ATP11C: variants seen among roughly 807,000 people sequenced by gnomAD.
The protein encoded by ATP11C is phospholipid-transporting ATPase IG.
ATP11C carries 36 observed loss-of-function variants against 97.4 expected under a neutral mutation model. That is an observed-to-expected ratio of 0.37 (90% confidence interval 0.28 to 0.49). The LOEUF (loss-of-function observed/expected upper bound fraction) is 0.49, where lower values mean the gene tolerates loss of function less well. Among genes scored for constraint, ATP11C ranks in the 20% least tolerant of loss-of-function variants. ATP11C has a pLI of 0.98. For missense variants in ATP11C, 730 were observed against 824.6 expected (o/e 0.89, Z 1.40); for synonymous variants, 275 against 290.9 (o/e 0.95, Z 0.56).
chrX:139,737,993 T>A lies in ATP11C; in HGVS notation c.3211A>T (p.Ile1071Phe). 1 of 1,205,088 alleles carries A rather than the reference T, an allele frequency of 8.3e-7. No individual in the cohort carries two copies. Among genetic ancestry groups the A allele is most frequent in the Non-Finnish European group, 1.1e-6 (1 of 890,562 alleles). ...AACAGGCTGATAAATATTAGAAGAA[T>A]TATAGCCAACCATGTGGATACAGAA... Reference protein sequence around the residue: ...LSSVSTWLAIILLIFISLFPE... With the variant: ...LSSVSTWLAIFLLIFISLFPE... The change falls in exon 28 of 30, where the codon ATT becomes TTT. Residue 1071 changes from isoleucine to phenylalanine, a missense_variant. Physicochemically the swap from Ile to Phe is conservative, Grantham distance 21. Coordinates refer to ENST00000682941, the MANE Select transcript of ATP11C (RefSeq NM_001353812.2).
chrX:139,830,589 T>C (rs902322187), intron 1 of ATP11C, among the ~76,000 whole-genome samples: 2 of 111,729 alleles, frequency 1.8e-5, no homozygotes, highest in African/African-American at 6.5e-5. Context: ...GCAAATAATC[T>C]TAAAACCGAC....
intron 1 of ATP11C, among the ~76,000 whole-genome samples, chrX:139,881,398 T>C (rs1359598383): frequency 1.8e-5 from 2 of 110,756 alleles, no homozygotes; most frequent in African/African-American, 6.6e-5. Flanking sequence ...GTTGCTGATA[T>C]AGAGTGATTT....
intron 23 of ATP11C, among the ~76,000 whole-genome samples, chrX:139,756,171 C>T (rs1469554183): frequency 1.8e-5 from 2 of 111,712 alleles, no homozygotes; most frequent in African/African-American, 3.3e-5. Flanking sequence ...GCAAAGGACA[C>T]GAACAGACAC....
intron 1 of ATP11C, among the ~76,000 whole-genome samples, chrX:139,906,494 C>T (rs1466360931): frequency 9.2e-6 from 1 of 108,849 alleles, no homozygotes; most frequent in African/African-American, 3.3e-5. Context: ...ATTAATTTAA[C>T]ATTCATTGGC....
chrX:139,777,494 G>T (rs1413668415), intron 18 of ATP11C, among the ~76,000 whole-genome samples: 3 of 110,213 alleles, frequency 2.7e-5, no homozygotes, highest in Admixed American at 1.9e-4. Flanking sequence ...ATTTCAACAT[G>T]AGCAAAGTCT....
intron 5 of ATP11C, among the ~76,000 whole-genome samples, chrX:139,805,556 T>C (rs2083024157): frequency 8.9e-6 from 1 of 112,178 alleles, no homozygotes; most frequent in Admixed American, 9.5e-5. Flanking sequence ...TTTGGAAAGA[T>C]ATAAGAAATC....
chrX:139,862,117 A>AC (rs1432690083), intron 1 of ATP11C, among the ~76,000 whole-genome samples: 1 of 111,109 alleles, frequency 9.0e-6, no homozygotes. Flanking sequence ...TACATTAAAA[A>AC]CTCAAACAGA....
intron 23 of ATP11C, among the ~76,000 whole-genome samples, chrX:139,756,557 A>ATATG (rs2081939493): frequency 8.9e-6 from 1 of 111,933 alleles, no homozygotes; most frequent in Non-Finnish European, 1.9e-5. Flanking sequence ...AATATCAAAG[A>ATATG]TATGTAATCA....
chrX:139,738,178 C>T (rs1270324743), intron 27 of ATP11C, 109 bp from the exon 28 acceptor site: 1 of 542,931 alleles, frequency 1.8e-6, no homozygotes, highest in East Asian at 4.3e-5. Flanking sequence ...TCCTTACATA[C>T]ATTAATAAAA....
chrX:139,907,757 AG>A (rs1269697722), intron 1 of ATP11C, among the ~76,000 whole-genome samples: 2 of 109,615 alleles, frequency 1.8e-5, no homozygotes, highest in Non-Finnish European at 3.8e-5. Flanking sequence ...CAAAAAAAAA[AG>A]AAAAGAAAAA....
chrX:139,844,759 T>G (rs1279395234), intron 1 of ATP11C, among the ~76,000 whole-genome samples: 2 of 111,858 alleles, frequency 1.8e-5, no homozygotes, highest in African/African-American at 3.3e-5. Context: ...CTAGACACAG[T>G]GATAAGCATA....
chrX:139,783,325 A>G, intron 16 of ATP11C, 58 bp from the exon 17 acceptor site: 1 of 876,709 alleles, frequency 1.1e-6, no homozygotes, highest in Non-Finnish European at 1.6e-6. Context: ...TTGTGGTTTT[A>G]GTAAGAGTAA....
Position 139,804,510 on chromosome X carries a change from A to G in ATP11C, c.516T>C (p.Tyr172=), listed in dbSNP as rs376017114. ...CCCCATCAAGACTGGCTGTAGTGAC[A>G]TAACAGGTTCCATCAGTGGTGCAAG... is the stretch of plus-strand genomic sequence containing the variant. ...LSSCTTDGTC[Y]VTTASLDGES... The change falls in exon 6 of 30, where the codon TAT becomes TAC. Residue 172 remains tyrosine (Y), a synonymous_variant. Transcript: ENST00000682941. 9.1e-6 allele frequency: 11 copies of G among 1,205,200 alleles called. No homozygotes were observed. In the African/African-American group the frequency reaches 1.9e-4, roughly 21 times the overall value.
intron 16 of ATP11C, 150 bp downstream of exon 16, chrX:139,785,076 A>T: frequency 2.4e-6 from 1 of 416,494 alleles, no homozygotes. Context: ...TTAAAAAAAT[A>T]CATGAAAGCA....
At chrX:139,762,809 A>G (rs1030781018) in intron 21 of ATP11C, among the ~76,000 whole-genome samples, 2 of 111,353 alleles carry the variant, frequency 1.8e-5, no homozygotes, top group Non-Finnish European at 3.8e-5. Context: ...AAAAAATGGT[A>G]CAGGTGGTGG....
intron 28 of ATP11C, among the ~76,000 whole-genome samples, chrX:139,734,784 G>A (rs191137476): frequency 2.7e-5 from 3 of 111,072 alleles, no homozygotes; most frequent in South Asian, 3.8e-4. Flanking sequence ...GAACTTTGGG[G>A]AAAAAAATTA....
intron 23 of ATP11C, 143 bp from the exon 24 acceptor site, chrX:139,750,295 T>C (rs1157466728): frequency 2.1e-6 from 1 of 480,842 alleles, no homozygotes; most frequent in Non-Finnish European, 3.4e-6. Flanking sequence ...AATCTGTAAA[T>C]AAGGTCACTG....
intron 28 of ATP11C, among the ~76,000 whole-genome samples, chrX:139,736,175 GA>G (rs75820507): frequency 0.027 from 2,886 of 105,469 alleles, 101 homozygotes; most frequent in East Asian, 0.17. Context: ...CTGTTCGTGT[GA>G]AAAAAAAAAA....
intron 1 of ATP11C, among the ~76,000 whole-genome samples, chrX:139,894,454 T>TA (rs1489118306): frequency 5.4e-5 from 6 of 111,798 alleles, no homozygotes; most frequent in African/African-American, 1.9e-4. Context: ...CTCATGAAGA[T>TA]AGAGAGTAGA....
Sources: allele counts gnomAD v4.1 joint callset (sites outside exome capture counted in the v4.1 genomes callset), GRCh38; gene constraint gnomAD v4.1.1; transcripts MANE v1.5; gene names NCBI Gene and HGNC (gene_info 2026-07-23, HGNC 2026-07-21).